The following SEL1L2 variants were observed in gnomAD, a reference collection of about 807,000 sequenced individuals.
SEL1L2 encodes SEL1L2 adaptor subunit of SYVN1 ubiquitin ligase.
In SEL1L2, 89 loss-of-function variants were observed where a neutral mutation model predicts 98.8. The observed-to-expected ratio is 0.90, with a 90% CI of 0.76 to 1.07. The LOEUF (loss-of-function observed/expected upper bound fraction) is 1.07. SEL1L2 is among the 50% of genes least tolerant of loss of function. The pLI, the probability that SEL1L2 is intolerant of heterozygous loss-of-function variation, is 0.00. For synonymous variants in SEL1L2, 262 were observed against 278.5 expected (o/e 0.94, Z 0.59); for missense variants, 788 against 812.0 (o/e 0.97, Z 0.36).
intron 5 of SEL1L2, among the ~76,000 whole-genome samples, chr20:13,890,934 A>G (rs6042416): frequency 0.078 from 11,859 of 152,204 alleles, 488 homozygotes; most frequent in African/African-American, 0.1. Context: ...AAACATGAAC[A>G]TAGGTCATTT....
chr20:13,914,047 T>C, intron 4 of SEL1L2, 103 bp from the exon 5 acceptor site: 1 of 1,034,782 alleles, frequency 9.7e-7, no homozygotes, highest in Non-Finnish European at 1.4e-6. Context: ...CAGGAACCAG[T>C]TGTCATACAG....
In SEL1L2 at chr20:13,963,099, A is replaced by C. The variant is rs568248178; in HGVS notation, c.59-6968T>G. On this transcript the variant is annotated intron_variant, in intron 1 of 19. Coordinates refer to ENST00000284951, the MANE Select transcript of SEL1L2 (RefSeq NM_025229.2). ...AAAGAAGAGGAAGAAGAAGAAGAAA[A>C]TATAAAAAAAAACTCTCTATTATAG... 2.2e-4 allele frequency among the ~76,000 whole-genome samples: 14 copies of C among 62,506 alleles called. No homozygotes were observed. The East Asian group carries it at 7.4e-3, about 33-fold the overall frequency. The allele number at this position is 62,506 out of a possible 152,430, so 41.0% of individuals were successfully genotyped here. A position where few individuals can be genotyped will look rare whatever the true frequency, so the allele number is the denominator to read the frequency against.
At chr20:13,904,306 A>C (rs976543307) in intron 5 of SEL1L2, among the ~76,000 whole-genome samples, 5 of 152,184 alleles carry the variant, frequency 3.3e-5, no homozygotes, top group African/African-American at 1.2e-4. Context: ...AGGTGAGCAG[A>C]TCACTTGAGG....
At chr20:13,906,176 C>A (rs1223399463) in intron 5 of SEL1L2, among the ~76,000 whole-genome samples, 2 of 151,990 alleles carry the variant, frequency 1.3e-5, no homozygotes, top group Non-Finnish European at 2.9e-5. Flanking sequence ...GCTCCCAGCC[C>A]CTGTAAGACA....
intron 5 of SEL1L2, among the ~76,000 whole-genome samples, chr20:13,911,015 A>G (rs2048184405): frequency 6.6e-6 from 1 of 152,212 alleles, no homozygotes; most frequent in African/African-American, 2.4e-5. Flanking sequence ...CAAATGCTTT[A>G]TTTATATACA....
chr20:13,886,992 G>A (rs1471716040), intron 8 of SEL1L2, among the ~76,000 whole-genome samples: 2 of 151,978 alleles, frequency 1.3e-5, no homozygotes, highest in Non-Finnish European at 2.9e-5. Context: ...TGAAGATCTT[G>A]ACCAAAAAGA....
At chr20:13,942,524 TCCAGG>T (rs1432918711) in intron 2 of SEL1L2, among the ~76,000 whole-genome samples, 7 of 152,186 alleles carry the variant, frequency 4.6e-5, no homozygotes, top group Non-Finnish European at 7.3e-5. Flanking sequence ...TAACAAGTCC[TCCAGG>T]TGATTATGAT....
chr20:13,870,393 G>T (rs2046128402), intron 12 of SEL1L2, among the ~76,000 whole-genome samples, 190 bp from the exon 13 acceptor site: 1 of 152,182 alleles, frequency 6.6e-6, no homozygotes, highest in Admixed American at 6.5e-5. Context: ...AAAGGGAAGA[G>T]GGAAACAGAA....
chr20:13,889,139 A>G (rs183142125), intron 5 of SEL1L2, among the ~76,000 whole-genome samples: 472 of 151,494 alleles, frequency 3.1e-3, no homozygotes, highest in Non-Finnish European at 3.7e-3. Flanking sequence ...TTGTATTTTT[A>G]GTAGAGATGG....
chr20:13,978,339 T>C (rs2051643426), intron 1 of SEL1L2, among the ~76,000 whole-genome samples: 1 of 152,132 alleles, frequency 6.6e-6, no homozygotes, highest in Admixed American at 6.6e-5. Context: ...ACACAAGGCA[T>C]ACAAAAATCA....
intron 2 of SEL1L2, among the ~76,000 whole-genome samples, chr20:13,932,832 A>T (rs754489186): frequency 5.3e-5 from 8 of 152,032 alleles, no homozygotes; most frequent in Non-Finnish European, 1.2e-4. Context: ...GCATGCTTAA[A>T]TCCTTTGAGG....
chr20:13,894,904 T>C (rs1399520278), intron 5 of SEL1L2, among the ~76,000 whole-genome samples: 4 of 152,194 alleles, frequency 2.6e-5, no homozygotes, highest in African/African-American at 9.6e-5. Flanking sequence ...TAGAGAATTC[T>C]ACGAAAAATC....
chr20:13,872,993 CTTTTTT>C (rs112463334), intron 12 of SEL1L2, among the ~76,000 whole-genome samples: 1 of 141,170 alleles, frequency 7.1e-6, no homozygotes. Context: ...TTTCTTTTTT[CTTTTTT>C]TTTTTTTTTG....
intron 1 of SEL1L2, among the ~76,000 whole-genome samples, chr20:13,959,819 G>C (rs1387336612): frequency 6.6e-6 from 1 of 152,196 alleles, no homozygotes; most frequent in African/African-American, 2.4e-5. Context: ...AGATGTGTTT[G>C]AGCCTAGTTA....
At chr20:13,967,562 T>C (rs183461294) in intron 1 of SEL1L2, among the ~76,000 whole-genome samples, 32 of 152,300 alleles carry the variant, frequency 2.1e-4, no homozygotes, top group Non-Finnish European at 3.2e-4. Flanking sequence ...CACAAGAACC[T>C]TTCCCTACTT....
At chr20:13,884,749 C>T (rs923973289) in intron 10 of SEL1L2, among the ~76,000 whole-genome samples, 34 of 152,174 alleles carry the variant, frequency 2.2e-4, no homozygotes, top group South Asian at 1.0e-3. Flanking sequence ...TCTCGTGATC[C>T]GCCTGCCTCA....
upstream of SEL1L2, among the ~76,000 whole-genome samples, chr20:13,992,039 T>C (rs768004353): frequency 9.9e-5 from 15 of 151,884 alleles, no homozygotes; most frequent in Non-Finnish European, 1.8e-4. Flanking sequence ...AACTTCTTTA[T>C]AGGAAAATCA....
intron 2 of SEL1L2, among the ~76,000 whole-genome samples, chr20:13,937,012 C>T (rs925460177): frequency 2.6e-5 from 4 of 152,344 alleles, no homozygotes; most frequent in South Asian, 2.1e-4. Context: ...CCTACACAAA[C>T]GCTGGTGACA....
intron 4 of SEL1L2, chr20:13,915,205 C>T: frequency 7.8e-7 from 1 of 1,289,540 alleles, no homozygotes; most frequent in Non-Finnish European, 1.0e-6. Flanking sequence ...GCAAGAAGGA[C>T]CTCAGACAGA....
Sources: allele counts gnomAD v4.1 joint callset (sites outside exome capture counted in the v4.1 genomes callset), GRCh38; gene constraint gnomAD v4.1.1; transcripts MANE v1.5; gene names NCBI Gene and HGNC (gene_info 2026-07-23, HGNC 2026-07-21).